SPATA17: variants seen among roughly 807,000 people sequenced by gnomAD.
SPATA17 encodes spermatogenesis associated 17.
A neutral mutation model predicts 62.2 loss-of-function variants in SPATA17; 53 were observed. That is an observed-to-expected ratio of 0.85 (90% confidence interval 0.68 to 1.07). The LOEUF is 1.07. SPATA17 is among the 50% of genes least tolerant of loss of function. The pLI is 0.00. For missense variants in SPATA17, 466 were observed against 425.5 expected (o/e 1.10, Z -0.84); for synonymous variants, 146 against 146.8 (o/e 0.99, Z 0.04).
At chr1:217,683,921 A>G (rs1014367541) in intron 5 of SPATA17, among the ~76,000 whole-genome samples, 9 of 152,084 alleles carry the variant, frequency 5.9e-5, no homozygotes, top group African/African-American at 1.9e-4. Flanking sequence ...TCTTGGTCCT[A>G]TACAAAATAG....
intron 9 of SPATA17, among the ~76,000 whole-genome samples, chr1:217,851,803 T>C (rs1276340513): frequency 6.6e-6 from 1 of 152,166 alleles, no homozygotes; most frequent in Non-Finnish European, 1.5e-5. Flanking sequence ...CAAGGCAATA[T>C]TGCTTTTTAT....
At chr1:217,844,153 C>G (rs751733931) in intron 9 of SPATA17, among the ~76,000 whole-genome samples, 3 of 152,110 alleles carry the variant, frequency 2.0e-5, no homozygotes, top group Non-Finnish European at 4.4e-5. Flanking sequence ...AAAGCAATAG[C>G]CTCAAATCGT....
At chr1:217,806,069 A>C (rs553572716) in intron 9 of SPATA17, among the ~76,000 whole-genome samples, 1 of 152,340 alleles carries the variant, frequency 6.6e-6, no homozygotes, top group African/African-American at 2.4e-5. Flanking sequence ...ATGGTAGGAC[A>C]AGCAAAGGGG....
At chr1:217,672,671 A>G (rs1460635074) in intron 4 of SPATA17, among the ~76,000 whole-genome samples, 1 of 152,128 alleles carries the variant, frequency 6.6e-6, no homozygotes, top group Non-Finnish European at 1.5e-5. Context: ...TCTTTTATGT[A>G]ATATTTATTA....
At chr1:217,844,317 A>T (rs958530735) in intron 9 of SPATA17, among the ~76,000 whole-genome samples, 2 of 152,118 alleles carry the variant, frequency 1.3e-5, no homozygotes, top group African/African-American at 4.8e-5. Flanking sequence ...ACTAAGTGAT[A>T]TGTACTGGGA....
intron 9 of SPATA17, among the ~76,000 whole-genome samples, chr1:217,832,330 T>C (rs1344055496): frequency 6.6e-6 from 1 of 152,146 alleles, no homozygotes; most frequent in African/African-American, 2.4e-5. Context: ...GTAGACTATA[T>C]TAGATATGTT....
intron 6 of SPATA17, among the ~76,000 whole-genome samples, chr1:217,771,085 GGCCACCAGTCAGCA>G (rs1390696911): frequency 7.1e-6 from 1 of 140,058 alleles, no homozygotes; most frequent in Non-Finnish European, 1.5e-5. Flanking sequence ...TTCACCACTG[GGCCACCAGTCAGCA>G]GCCGGGCCTG....
chr1:217,866,011 A>G (rs1676003312), intron 10 of SPATA17, among the ~76,000 whole-genome samples: 1 of 152,190 alleles, frequency 6.6e-6, no homozygotes, highest in African/African-American at 2.4e-5. Flanking sequence ...AAATAAGTAT[A>G]GTTAGCACCT....
chr1:217,668,968 TA>T (rs1354018502), intron 3 of SPATA17, 64 bp from the exon 4 acceptor site: 11 of 1,347,742 alleles, frequency 8.2e-6, no homozygotes, highest in Middle Eastern at 1.9e-4. Context: ...CTTTTATATG[TA>T]AAAATAGGCT....
At chr1:217,799,388 G>C (rs1018613912) in intron 8 of SPATA17, among the ~76,000 whole-genome samples, 2 of 152,096 alleles carry the variant, frequency 1.3e-5, no homozygotes, top group African/African-American at 2.4e-5. Flanking sequence ...GATAAAAACT[G>C]TAAGTGCAGC....
chr1:217,709,911 A>G (rs1286614509), intron 5 of SPATA17, among the ~76,000 whole-genome samples: 1 of 152,210 alleles, frequency 6.6e-6, no homozygotes, highest in East Asian at 1.9e-4. Flanking sequence ...TATACCAGCA[A>G]CAATTAAGAT....
intron 5 of SPATA17, among the ~76,000 whole-genome samples, chr1:217,687,214 G>A (rs982299727): frequency 3.3e-5 from 5 of 151,682 alleles, no homozygotes; most frequent in South Asian, 2.1e-4. Context: ...GTATAATATT[G>A]TCCACATTTA....
intron 5 of SPATA17, among the ~76,000 whole-genome samples, chr1:217,696,289 G>A (rs1020076718): frequency 2.0e-5 from 3 of 152,176 alleles, no homozygotes; most frequent in African/African-American, 7.2e-5. Context: ...CTTTGACTCC[G>A]AAAGGGAACT....
At chr1:217,813,836 A>G (rs966983257) in intron 9 of SPATA17, among the ~76,000 whole-genome samples, 3 of 152,070 alleles carry the variant, frequency 2.0e-5, no homozygotes, top group Non-Finnish European at 4.4e-5. Context: ...ATGTATATGT[A>G]TACTCTAGTC....
chr1:217,865,400 C>G (rs1292237897), intron 10 of SPATA17, among the ~76,000 whole-genome samples: 2 of 152,130 alleles, frequency 1.3e-5, no homozygotes, highest in African/African-American at 4.8e-5. Flanking sequence ...TAAACACTGC[C>G]TGTACCTAGC....
Position 217,669,018 on chromosome 1 carries a change from T to G in SPATA17, c.241-15T>G, listed in dbSNP as rs200712828. The stretch of plus-strand genomic sequence containing the variant: ...GTAACTGAAATGCATGCCATCTTTT[T>G]TTCTTGATTCACAGGTAGCATATTA... On this transcript the variant is annotated splice_polypyrimidine_tract_variant and intron_variant, in intron 3 of 10. Transcript: ENST00000366933. 55 of 1,610,052 alleles carry G rather than the reference T, an allele frequency of 3.4e-5. No individual in the cohort carries two copies. The highest frequency in any genetic ancestry group is 4.2e-5 in the Non-Finnish European group (50 of 1,178,066).
At chr1:217,714,094 T>C (rs1448279869) in intron 5 of SPATA17, among the ~76,000 whole-genome samples, 3 of 152,082 alleles carry the variant, frequency 2.0e-5, no homozygotes, top group African/African-American at 4.8e-5. Flanking sequence ...CTTCACATTT[T>C]TGAGAACCAT....
At chr1:217,729,092 A>G (rs1198828891) in intron 5 of SPATA17, among the ~76,000 whole-genome samples, 1 of 152,238 alleles carries the variant, frequency 6.6e-6, no homozygotes, top group East Asian at 1.9e-4. Flanking sequence ...AACAGTTTGC[A>G]TATTTACTAA....
chr1:217,677,014 T>C (rs1312814687), intron 4 of SPATA17, among the ~76,000 whole-genome samples: 2 of 152,142 alleles, frequency 1.3e-5, no homozygotes, highest in Non-Finnish European at 2.9e-5. Flanking sequence ...ACTGATTCTT[T>C]ATTATTTTAA....
Sources: allele counts gnomAD v4.1 joint callset (sites outside exome capture counted in the v4.1 genomes callset), GRCh38; gene constraint gnomAD v4.1.1; transcripts MANE v1.5; gene names NCBI Gene and HGNC (gene_info 2026-07-23, HGNC 2026-07-21).